BNIP2: variants seen among roughly 807,000 people sequenced by gnomAD.
BNIP2 encodes the protein BCL2/adenovirus E1B 19 kDa protein-interacting protein 2.
BNIP2 carries 36 observed loss-of-function variants against 43.4 expected under a neutral mutation model. The ratio of observed to expected loss-of-function variants is 0.83; its 90% CI spans 0.64 to 1.10. BNIP2 has a LOEUF of 1.10. Ranked by LOEUF, BNIP2 falls within the 50% of genes least tolerant of loss-of-function variation. The probability of loss-of-function intolerance (pLI) is 0.00; values close to 1 mark genes in which losing one functional copy is unlikely to be tolerated. For missense variants in BNIP2, 417 were observed against 374.1 expected (o/e 1.11, Z -0.95); for synonymous variants, 146 against 121.0 (o/e 1.21, Z -1.35).
At chr15:59,688,460 C>G in intron 1 of BNIP2, 1 of 376,394 alleles carries the variant, frequency 2.7e-6, no homozygotes, top group Non-Finnish European at 4.9e-6. Context: ...ATAGGAGGCA[C>G]CGTAACTATC....
At chr15:59,688,454 G>A (rs956901466) in intron 1 of BNIP2, 4 of 353,250 alleles carry the variant, frequency 1.1e-5, no homozygotes, top group Admixed American at 4.4e-5. Flanking sequence ...AAATAAATAG[G>A]AGGCACCGTA....
intron 1 of BNIP2, among the ~76,000 whole-genome samples, chr15:59,682,948 A>T (rs1471190190): frequency 6.6e-6 from 1 of 152,218 alleles, no homozygotes; most frequent in Non-Finnish European, 1.5e-5. Context: ...ATTTAAACTC[A>T]TGATTCAGCA....
intron 3 of BNIP2, 42 bp downstream of exon 3, chr15:59,680,199 C>T: frequency 7.4e-7 from 1 of 1,348,588 alleles, no homozygotes. Context: ...AAAAATAACA[C>T]AAAGTCCATA....
intron 4 of BNIP2, chr15:59,678,523 G>T (rs1893454984): frequency 1.5e-5 from 16 of 1,076,132 alleles, no homozygotes; most frequent in Non-Finnish European, 1.8e-5. Context: ...TGTAATACCA[G>T]ATAGGAAGTG....
rs1221641797 is a variant in BNIP2, at chr15:59,664,090, A to C, written c.924T>G (p.Asp308Glu). Residue 308 changes from aspartate (D) to glutamate (E), a missense_variant, in exon 10 of 10, where the codon GAT becomes GAG. Transcript: ENST00000607373. ...QVDQELNGKQ[D>E]EPKNEQ ...AAACTTACTGTTCATTTTTCGGTTC[A>C]TCTTGTTTTCCATTAAGTTCTTGAT... 6.5e-7 allele frequency: 1 copy of C among 1,549,916 alleles called. No individual in the cohort carries two copies. Among genetic ancestry groups the C allele is most frequent in the East Asian group, 2.4e-5 (1 of 41,732 alleles).
chr15:59,673,145 G>GTC (rs1193535933), intron 5 of BNIP2, among the ~76,000 whole-genome samples: 1 of 147,762 alleles, frequency 6.8e-6, no homozygotes, highest in African/African-American at 2.5e-5. Flanking sequence ...TTTAGATGGA[G>GTC]TCTCGTTCTG....
At chr15:59,676,617 T>G (rs1366085463) in intron 5 of BNIP2, 1 of 564,398 alleles carries the variant, frequency 1.8e-6, no homozygotes, top group East Asian at 2.9e-5. Flanking sequence ...GAAATGCTTA[T>G]TATTCTTTCA....
At position 59,661,391 on chromosome 15, in the gene BNIP2, T is replaced by C. The variant is rs1253222828; in HGVS notation, c.*2678A>G. On this transcript the variant is annotated 3_prime_UTR_variant, in exon 10 of 10. Coordinates refer to ENST00000607373, the MANE Select transcript of BNIP2 (RefSeq NM_004330.4). ...AGTGGCATCTTAGGTAACAACTATG[T>C]CTTTATCTCTTTATAAAGGTTTGCT... 6.6e-6 allele frequency: 1 copy of C among 151,808 alleles called. No individual in the cohort carries two copies. Among genetic ancestry groups the C allele is most frequent in the Admixed American group, 6.6e-5 (1 of 15,222 alleles). The allele number at this position is 151,808 out of a possible 1,614,324, so 9.4% of individuals were successfully genotyped here. A position where few individuals can be genotyped will look rare whatever the true frequency, so the allele number is the denominator to read the frequency against.
chr15:59,673,497 C>T (rs566122121), intron 5 of BNIP2, among the ~76,000 whole-genome samples: 1 of 152,166 alleles, frequency 6.6e-6, no homozygotes, highest in East Asian at 1.9e-4. Flanking sequence ...GCAATCACAG[C>T]TCATGCAGCC....
intron 1 of BNIP2, among the ~76,000 whole-genome samples, chr15:59,682,725 A>G (rs941773850): frequency 3.9e-5 from 6 of 152,066 alleles, no homozygotes; most frequent in African/African-American, 1.2e-4. Context: ...TACTGTTTAT[A>G]GTAAGGATAC....
At chr15:59,678,572 T>G in intron 4 of BNIP2, 3 of 1,113,468 alleles carry the variant, frequency 2.7e-6, no homozygotes, top group Non-Finnish European at 3.3e-6. Context: ...TGATCAGTTT[T>G]ATAAAGCAGA....
At chr15:59,672,438 T>G in intron 6 of BNIP2, 199 bp downstream of exon 6, 1 of 439,822 alleles carries the variant, frequency 2.3e-6, no homozygotes, top group Non-Finnish European at 4.2e-6. Context: ...CATGCCTGGC[T>G]AATTTTTTGA....
At chr15:59,671,055 A>G (rs1276310427) in intron 7 of BNIP2, 128 bp downstream of exon 7, 1 of 890,656 alleles carries the variant, frequency 1.1e-6, no homozygotes, top group African/African-American at 1.7e-5. Context: ...CCTGGGCAAC[A>G]AGAGTGAAAC....
At chr15:59,680,455 G>A in intron 2 of BNIP2, 147 bp from the exon 3 acceptor site, 1 of 576,580 alleles carries the variant, frequency 1.7e-6, no homozygotes, top group South Asian at 2.9e-5. Flanking sequence ...GGGTCTTGCT[G>A]TCTGTCACCT....
chr15:59,668,918 G>A lies in BNIP2; in HGVS notation c.867C>T (p.Tyr289=), dbSNP rs983389857. The A allele has an allele frequency of 3.7e-6, 6 of 1,613,432 alleles. No homozygotes were observed. Among genetic ancestry groups the A allele is most frequent in the Middle Eastern group, 1.6e-4 (1 of 6,080 alleles). Residue 289 remains tyrosine, a synonymous_variant, in exon 9 of 10, where the codon TAC becomes TAT. Transcript: ENST00000607373. ...GTTTTATGCATTCTGGTATGCCAAC[G>A]TATTCCATGGGGACAAGTTCTGCTA... The part of the protein sequence containing the change: ...AELAELVPME[Y]VGIPECIKQV...
chr15:59,684,906 A>G (rs1893916230), intron 1 of BNIP2, among the ~76,000 whole-genome samples: 1 of 152,220 alleles, frequency 6.6e-6, no homozygotes. Context: ...AGCACATAAC[A>G]GGCCTATAAA....
Position 59,689,228 on chromosome 15 carries a change from A to G in BNIP2, c.-151T>C. The G allele has an allele frequency of 6.5e-7, 1 of 1,541,492 alleles. No individual in the cohort carries two copies. Among genetic ancestry groups the G allele is most frequent in the Non-Finnish European group, 8.7e-7 (1 of 1,146,254 alleles). On this transcript the variant is annotated 5_prime_UTR_variant, in exon 1 of 10. Coordinates refer to ENST00000607373, the MANE Select transcript of BNIP2 (RefSeq NM_004330.4). ...GGTCGCAAAAAGCAGGGCCGAGCGGAGCCCGCTCCCCTCGGTCGGCGGTGG... is the reference window on the plus strand; with the variant it reads ...GGTCGCAAAAAGCAGGGCCGAGCGGGGCCCGCTCCCCTCGGTCGGCGGTGG...
At chr15:59,675,232 G>GA (rs1268828050) in intron 5 of BNIP2, among the ~76,000 whole-genome samples, 40 of 144,790 alleles carry the variant, frequency 2.8e-4, no homozygotes, top group Non-Finnish European at 3.0e-4. Context: ...CTGGGTGACA[G>GA]AATGAGACTC....
chr15:59,664,557 A>G (rs529036956), intron 9 of BNIP2, among the ~76,000 whole-genome samples: 7 of 151,592 alleles, frequency 4.6e-5, no homozygotes, highest in Non-Finnish European at 1.0e-4. Flanking sequence ...AATTTTTCGT[A>G]TTTTTAGTAG....
Sources: allele counts gnomAD v4.1 joint callset (sites outside exome capture counted in the v4.1 genomes callset), GRCh38; gene constraint gnomAD v4.1.1; transcripts MANE v1.5; gene names NCBI Gene and HGNC (gene_info 2026-07-23, HGNC 2026-07-21).